Variants in ARHGEF6 observed in about 807,000 individuals in gnomAD.
ARHGEF6 encodes rho guanine nucleotide exchange factor 6.
Under a neutral mutation model 70.3 loss-of-function variants are expected in ARHGEF6, and 9 were observed. The ratio of observed to expected loss-of-function variants is 0.13; its 90% confidence interval spans 0.08 to 0.22. The LOEUF (loss-of-function observed/expected upper bound fraction) is 0.22. ARHGEF6 is among the 10% of genes least tolerant of loss of function. ARHGEF6 has a pLI of 1.00. For synonymous variants in ARHGEF6, 201 were observed against 207.8 expected (o/e 0.97, Z 0.28); for missense variants, 470 against 563.0 (o/e 0.83, Z 1.67).
At chrX:136,751,925 T>C (rs896496249) in intron 2 of ARHGEF6, among the ~76,000 whole-genome samples, 1 of 111,721 alleles carries the variant, frequency 9.0e-6, no homozygotes, top group Non-Finnish European at 1.9e-5. Flanking sequence ...AGTACAATTA[T>C]TTTCCCCATT....
At chrX:136,751,246 T>C (rs768674451) in intron 2 of ARHGEF6, among the ~76,000 whole-genome samples, 18 of 112,458 alleles carry the variant, frequency 1.6e-4, no homozygotes, top group Admixed American at 6.6e-4. Flanking sequence ...TTGTGAATTA[T>C]TGGGGATCTG....
chrX:136,711,948 A>G (rs2076689713), intron 7 of ARHGEF6, among the ~76,000 whole-genome samples: 1 of 112,863 alleles, frequency 8.9e-6, no homozygotes, highest in African/African-American at 3.2e-5. Context: ...TTCATACTGA[A>G]GTAGATTTCC....
intron 2 of ARHGEF6, among the ~76,000 whole-genome samples, chrX:136,775,481 T>G (rs1376932413): frequency 8.9e-6 from 1 of 111,984 alleles, no homozygotes; most frequent in Non-Finnish European, 1.9e-5. Flanking sequence ...AAAAAGCATT[T>G]GACAAAATCC....
intron 8 of ARHGEF6, among the ~76,000 whole-genome samples, chrX:136,708,381 T>C (rs1217420554): frequency 1.0e-5 from 1 of 96,207 alleles, no homozygotes; most frequent in African/African-American, 3.8e-5. Context: ...TAAGGAACAT[T>C]AAAAAAAAAA....
rs898300483 is a variant in ARHGEF6, at chrX:136,779,404, G to A, written c.249+10C>T. The A allele has an allele frequency of 8.3e-7, 1 of 1,203,529 alleles. No homozygotes were observed. The highest frequency in any genetic ancestry group is 3.0e-5 in the East Asian group (1 of 33,796). On this transcript the variant is annotated intron_variant, in intron 2 of 21. Coordinates refer to ENST00000250617, the MANE Select transcript of ARHGEF6 (RefSeq NM_004840.3). ...GATGACAACAGGGAAGGCACCCGGG[G>A]TAGGCTTACTTCCACTTGGAGGGTT...
intron 16 of ARHGEF6, among the ~76,000 whole-genome samples, chrX:136,679,240 A>G (rs1344685081): frequency 8.9e-6 from 1 of 112,324 alleles, no homozygotes; most frequent in Non-Finnish European, 1.9e-5. Context: ...TACATTATTA[A>G]CAAATCTAAA....
intron 6 of ARHGEF6, among the ~76,000 whole-genome samples, chrX:136,731,435 T>C (rs2148647384): frequency 8.9e-6 from 1 of 112,040 alleles, no homozygotes; most frequent in East Asian, 2.8e-4. Context: ...TAATCATGAC[T>C]TGACCTTTAA....
At chrX:136,767,555 G>A (rs1162635345) in intron 2 of ARHGEF6, 1 of 754,852 alleles carries the variant, frequency 1.3e-6, no homozygotes, top group Non-Finnish European at 1.6e-6. Context: ...GAGGATCGCG[G>A]GGCCGAACTG....
intron 2 of ARHGEF6, among the ~76,000 whole-genome samples, chrX:136,777,820 A>G (rs918071912): frequency 9.1e-6 from 1 of 109,362 alleles, no homozygotes; most frequent in Non-Finnish European, 1.9e-5. Context: ...AGAAGGAACA[A>G]AATAATGGCA....
At chrX:136,694,343 G>A (rs1260325184) in intron 9 of ARHGEF6, among the ~76,000 whole-genome samples, 1 of 112,041 alleles carries the variant, frequency 8.9e-6, no homozygotes. Flanking sequence ...GTGAGCCACC[G>A]CGCCCGGCCT....
At chrX:136,745,127 C>T in intron 4 of ARHGEF6, 96 bp downstream of exon 4, 1 of 1,106,935 alleles carries the variant, frequency 9.0e-7, no homozygotes, top group Non-Finnish European at 1.2e-6. Context: ...CCAAAACAAC[C>T]CGGATGGCTG....
intron 2 of ARHGEF6, among the ~76,000 whole-genome samples, chrX:136,750,894 C>T (rs1284943112): frequency 9.1e-6 from 1 of 110,142 alleles, no homozygotes; most frequent in African/African-American, 3.3e-5. Flanking sequence ...CCTCCGCCTC[C>T]CAGTTTCAAG....
intron 19 of ARHGEF6, 144 bp downstream of exon 19, chrX:136,674,863 C>T: frequency 1.9e-6 from 1 of 528,666 alleles, no homozygotes. Context: ...CTGAAAGATG[C>T]AGTCCTGCAC....
At chrX:136,703,591 C>T (rs1377470892) in intron 9 of ARHGEF6, among the ~76,000 whole-genome samples, 1 of 112,259 alleles carries the variant, frequency 8.9e-6, no homozygotes, top group Non-Finnish European at 1.9e-5. Context: ...GGCGCAATCT[C>T]GGCTCACGGC....
At chrX:136,716,738 T>C (rs2054964667) in intron 6 of ARHGEF6, among the ~76,000 whole-genome samples, 1 of 111,891 alleles carries the variant, frequency 8.9e-6, no homozygotes. Flanking sequence ...CAAGAATAGA[T>C]GGATATTATA....
At chrX:136,717,642 A>G (rs2076750133) in intron 6 of ARHGEF6, among the ~76,000 whole-genome samples, 1 of 111,970 alleles carries the variant, frequency 8.9e-6, no homozygotes, top group South Asian at 3.7e-4. Context: ...AATGTATTTG[A>G]TTATGTGTGT....
At chrX:136,677,378 C>A (rs761986752) in intron 17 of ARHGEF6, among the ~76,000 whole-genome samples, 14 of 111,720 alleles carry the variant, frequency 1.3e-4, no homozygotes, top group African/African-American at 3.9e-4. Flanking sequence ...AACTAGTAGA[C>A]AAAATAAATG....
chrX:136,733,816 A>G (rs1298290847), intron 5 of ARHGEF6, among the ~76,000 whole-genome samples: 1 of 112,082 alleles, frequency 8.9e-6, no homozygotes, highest in Non-Finnish European at 1.9e-5. Flanking sequence ...AAGCCCAGGT[A>G]TGTCCTGACA....
At chrX:136,747,395 G>T in intron 3 of ARHGEF6, 113 bp downstream of exon 3, 1 of 665,714 alleles carries the variant, frequency 1.5e-6, no homozygotes, top group East Asian at 3.3e-5. Flanking sequence ...GGGGAGCAAG[G>T]GGAAAATTTG....
Sources: allele counts gnomAD v4.1 joint callset (sites outside exome capture counted in the v4.1 genomes callset), GRCh38; gene constraint gnomAD v4.1.1; transcripts MANE v1.5; gene names NCBI Gene and HGNC (gene_info 2026-07-23, HGNC 2026-07-21).